SHROOM4: variants seen among roughly 807,000 people sequenced by gnomAD.
SHROOM4 encodes shroom family member 4, also known as protein Shroom4.
SHROOM4 carries 17 observed loss-of-function variants against 80.3 expected under a neutral mutation model. The observed-to-expected ratio is 0.21, with a 90% confidence interval of 0.14 to 0.32. SHROOM4 has a LOEUF of 0.32. Ranked by LOEUF, SHROOM4 falls within the 10% of genes least tolerant of loss-of-function variation. The pLI is 1.00. For missense variants in SHROOM4, 993 were observed against 1,140.3 expected, an observed-to-expected ratio of 0.87 and a Z score of 1.86; for synonymous variants, 400 against 437.5, an observed-to-expected ratio of 0.91 and a Z score of 1.07.
At chrX:50,783,477 G>A (rs140871214) in intron 1 of SHROOM4, among the ~76,000 whole-genome samples, 90 of 111,896 alleles carry the variant, frequency 8.0e-4, no homozygotes, top group African/African-American at 2.6e-3. Context: ...AATCAGTACT[G>A]CTCAGGCATT....
chrX:50,633,014 T>C (rs1405838317), intron 4 of SHROOM4, among the ~76,000 whole-genome samples, 164 bp downstream of exon 4: 1 of 112,121 alleles, frequency 8.9e-6, no homozygotes, highest in Non-Finnish European at 1.9e-5. Context: ...AACTGCAATT[T>C]TGGTGGCTGA....
chrX:50,744,425 G>T (rs1200419892), intron 1 of SHROOM4, among the ~76,000 whole-genome samples: 4 of 111,681 alleles, frequency 3.6e-5, no homozygotes, highest in African/African-American at 1.3e-4. Flanking sequence ...TCCAGAATTT[G>T]CATGTGGTTC....
At chrX:50,684,094 C>T (rs782677032) in intron 2 of SHROOM4, among the ~76,000 whole-genome samples, 1 of 112,085 alleles carries the variant, frequency 8.9e-6, no homozygotes, top group South Asian at 3.8e-4. Flanking sequence ...AATGGTGCCC[C>T]TGCAAAATTC....
At chrX:50,788,359 A>T (rs1172602086) in intron 1 of SHROOM4, among the ~76,000 whole-genome samples, 1 of 112,134 alleles carries the variant, frequency 8.9e-6, no homozygotes, top group African/African-American at 3.2e-5. Flanking sequence ...TCAATACAGA[A>T]ATCAAAACAC....
At chrX:50,702,549 AAAC>A (rs782023825) in intron 1 of SHROOM4, among the ~76,000 whole-genome samples, 36 of 111,997 alleles carry the variant, frequency 3.2e-4, no homozygotes, top group Admixed American at 2.3e-3. Context: ...GACCAGACAA[AAAC>A]AACACATACT....
downstream of SHROOM4, among the ~76,000 whole-genome samples, chrX:50,584,376 C>A (rs1395034361): frequency 8.9e-6 from 1 of 111,913 alleles, no homozygotes; most frequent in Non-Finnish European, 1.9e-5. Context: ...GAGGTTGAAG[C>A]TGATGTTGGT....
intron 1 of SHROOM4, among the ~76,000 whole-genome samples, chrX:50,724,712 C>T (rs1365786658): frequency 8.9e-6 from 1 of 112,182 alleles, no homozygotes; most frequent in African/African-American, 3.2e-5. Context: ...AACTCCTGAC[C>T]TCAGGTGATC....
intron 1 of SHROOM4, among the ~76,000 whole-genome samples, chrX:50,710,244 G>A (rs1490565761): frequency 8.9e-6 from 1 of 111,796 alleles, no homozygotes; most frequent in African/African-American, 3.3e-5. Flanking sequence ...ATTCACAATA[G>A]CTACGACATG....
chrX:50,747,321 C>G (rs1447338663), intron 1 of SHROOM4, among the ~76,000 whole-genome samples: 2 of 111,934 alleles, frequency 1.8e-5, no homozygotes, highest in African/African-American at 6.5e-5. Flanking sequence ...CTATATCACT[C>G]TGTCAGACGA....
chrX:50,811,560 G>A (rs1417680261), intron 1 of SHROOM4, among the ~76,000 whole-genome samples: 1 of 111,424 alleles, frequency 9.0e-6, no homozygotes, highest in East Asian at 2.8e-4. Flanking sequence ...TTTTCAAGGA[G>A]AAAGCTGTAT....
chrX:50,759,381 T>C (rs782283224), intron 1 of SHROOM4, among the ~76,000 whole-genome samples: 10 of 112,041 alleles, frequency 8.9e-5, no homozygotes, highest in Non-Finnish European at 1.7e-4. Context: ...ACCTTGATCT[T>C]ATACTTTCAG....
chrX:50,758,301 G>A (rs1935080793), intron 1 of SHROOM4, among the ~76,000 whole-genome samples: 1 of 111,779 alleles, frequency 8.9e-6, no homozygotes, highest in Admixed American at 9.5e-5. Context: ...CCATCTTAAA[G>A]CAAAAGAATT....
intron 2 of SHROOM4, among the ~76,000 whole-genome samples, chrX:50,649,362 C>T (rs909191412): frequency 5.4e-5 from 6 of 111,745 alleles, no homozygotes; most frequent in African/African-American, 1.3e-4. Flanking sequence ...AGGCTGTTGC[C>T]GTGGATGTGA....
At chrX:50,685,812 T>C (rs1933057365) in intron 2 of SHROOM4, among the ~76,000 whole-genome samples, 1 of 111,998 alleles carries the variant, frequency 8.9e-6, no homozygotes, top group African/African-American at 3.2e-5. Context: ...GACTTTGGCC[T>C]TTGTTTTGGC....
At chrX:50,618,848 G>C (rs1602373379) in intron 5 of SHROOM4, among the ~76,000 whole-genome samples, 1 of 112,238 alleles carries the variant, frequency 8.9e-6, no homozygotes, top group Admixed American at 9.4e-5. Flanking sequence ...ACAGTGTCCA[G>C]ACCTGCCTTG....
intron 5 of SHROOM4, among the ~76,000 whole-genome samples, chrX:50,620,298 A>AT (rs1346807396): frequency 9.0e-6 from 1 of 111,556 alleles, no homozygotes; most frequent in Non-Finnish European, 1.9e-5. Flanking sequence ...CATATTTATT[A>AT]TTTTTTTGTT....
intron 2 of SHROOM4, among the ~76,000 whole-genome samples, chrX:50,667,286 C>T (rs1343925622): frequency 8.9e-6 from 1 of 111,798 alleles, no homozygotes; most frequent in Admixed American, 9.5e-5. Context: ...AAAATTCACA[C>T]GTTTATTTCA....
intron 1 of SHROOM4, among the ~76,000 whole-genome samples, chrX:50,762,602 CTTTG>C (rs1441520470): frequency 5.4e-5 from 6 of 111,601 alleles, no homozygotes; most frequent in African/African-American, 2.0e-4. Flanking sequence ...TTATCTCCGT[CTTTG>C]TTTATCTGAG....
At chrX:50,707,074 A>T (rs1197711255) in intron 1 of SHROOM4, among the ~76,000 whole-genome samples, 4 of 111,853 alleles carry the variant, frequency 3.6e-5, no homozygotes, top group Non-Finnish European at 7.5e-5. Flanking sequence ...CTTTCAGTTC[A>T]CCATCCCTGA....
Sources: gnomAD v4.1 joint callset for allele counts (sites outside exome capture counted in the v4.1 genomes callset) on GRCh38, gnomAD v4.1.1 for gene constraint, MANE v1.5 for transcripts, NCBI Gene and HGNC (gene_info 2026-07-23, HGNC 2026-07-21) for gene names.